The following PREPL variants were observed in gnomAD, a reference collection of about 807,000 sequenced individuals.
PREPL encodes prolyl endopeptidase-like.
In PREPL, 77 loss-of-function variants were observed where a neutral mutation model predicts 70.6. That is an observed-to-expected ratio of 1.09 (90% CI 0.91 to 1.32). The LOEUF is 1.32. Among genes scored for constraint, PREPL ranks in the 40% most tolerant of loss-of-function variants. The pLI is 0.00. For missense variants in PREPL, 1,002 were observed against 778.2 expected (o/e 1.29, Z -3.42); for synonymous variants, 315 against 264.8 (o/e 1.19, Z -1.84).
At chr2:44,321,780 G>T in intron 13 of PREPL, 47 bp downstream of exon 13, 1 of 1,613,632 alleles carries the variant, frequency 6.2e-7, no homozygotes, top group Non-Finnish European at 8.5e-7. Flanking sequence ...AAAACAACAT[G>T]TATCTAGTTC....
rs559438325 is a variant in PREPL, at chr2:44,342,375, G to T, written c.485+42C>A. On this transcript the variant is annotated intron_variant, in intron 5 of 13. Coordinates refer to ENST00000409411, the MANE Select transcript of PREPL (RefSeq NM_001171613.2). ...AAGTCAGTACTTTAAATAACTGGAGGAAGGTTCTGGAGAGAAAGATTTAAT... is the reference window on the plus strand; with the variant it reads ...AAGTCAGTACTTTAAATAACTGGAGTAAGGTTCTGGAGAGAAAGATTTAAT... The T allele has an allele frequency of 4.6e-6, 7 of 1,512,266 alleles. 1 individual carries two copies. The East Asian group carries it at 1.6e-4, about 35-fold the overall frequency. The allele number at this position is 1,512,266 out of a possible 1,614,324, so 93.7% of individuals were successfully genotyped here. A position where few individuals can be genotyped will look rare whatever the true frequency, so the allele number is the denominator to read the frequency against.
At chr2:44,339,546 C>G (rs887851654) in intron 5 of PREPL, among the ~76,000 whole-genome samples, 183 bp from the exon 6 acceptor site, 8 of 152,154 alleles carry the variant, frequency 5.3e-5, no homozygotes, top group African/African-American at 1.9e-4. Context: ...TTCTCATTTT[C>G]TCCTAAAGGG....
intron 3 of PREPL, 84 bp downstream of exon 3, chr2:44,344,431 TTTCTC>T (rs1675560767): frequency 5.0e-6 from 5 of 995,108 alleles, no homozygotes; most frequent in African/African-American, 1.7e-5. Context: ...AAAAAAATCT[TTTCTC>T]TATCTTTGAG....
chr2:44,343,646 G>T, intron 4 of PREPL, 99 bp downstream of exon 4: 1 of 1,025,910 alleles, frequency 9.7e-7, no homozygotes, highest in Non-Finnish European at 1.5e-6. Context: ...ACATGAATCA[G>T]GCATTCACCT....
chr2:44,339,078 G>T (rs1674941133), intron 6 of PREPL, 69 bp downstream of exon 6: 1 of 1,582,800 alleles, frequency 6.3e-7, no homozygotes, highest in Non-Finnish European at 8.6e-7. Context: ...CTTGGAGCAA[G>T]AAATGTTGTT....
chr2:44,351,389 A>G (rs2104114177), intron 1 of PREPL, among the ~76,000 whole-genome samples: 1 of 152,244 alleles, frequency 6.6e-6, no homozygotes, highest in South Asian at 2.1e-4. Flanking sequence ...CTGTAGCCTG[A>G]ACAATCCTGA....
At chr2:44,344,153 G>A (rs1465026629) in intron 3 of PREPL, among the ~76,000 whole-genome samples, 1 of 151,940 alleles carries the variant, frequency 6.6e-6, no homozygotes, top group Non-Finnish European at 1.5e-5. Flanking sequence ...ATACTATTCT[G>A]TGCATCAACC....
intron 9 of PREPL, among the ~76,000 whole-genome samples, chr2:44,328,140 G>C (rs1221708801): frequency 6.6e-6 from 1 of 151,816 alleles, no homozygotes; most frequent in Non-Finnish European, 1.5e-5. Flanking sequence ...TCAAAAATTA[G>C]TCAGGAGTTA....
In PREPL at chr2:44,318,597, T is replaced by TGTTTGCATAGGCACAGAATGTATC; in HGVS notation, c.*2758_*2759insGATACATTCTGTGCCTATGCAAAC. 1 of 151,208 alleles carries TGTTTGCATAGGCACAGAATGTATC rather than the reference T, an allele frequency of 6.6e-6. No homozygotes were observed. The highest frequency in any genetic ancestry group is 2.5e-5 in the African/African-American group (1 of 39,852). The allele number at this position is 151,208 out of a possible 1,614,324, so 9.4% of individuals were successfully genotyped here. On this transcript the variant is annotated 3_prime_UTR_variant, in exon 14 of 14. Coordinates refer to ENST00000409411, the MANE Select transcript of PREPL (RefSeq NM_001171613.2). ...CTGTGTAAAGAAAAATATATAAACA[T>TGTTTGCATAGGCACAGAATGTATC]ATGAAATGATACATTCTGTGCCTAT...
chr2:44,317,938 T>G lies in PREPL; in HGVS notation c.*3418A>C, dbSNP rs1002748925. On this transcript the variant is annotated 3_prime_UTR_variant, in exon 14 of 14. Coordinates refer to ENST00000409411, the MANE Select transcript of PREPL (RefSeq NM_001171613.2). ...AACACTAACATAAAACACAAAGAAT[T>G]AAAATGAAGATATAGCAAGCAAATA... 1 of 249,082 alleles carries G rather than the reference T, an allele frequency of 4.0e-6. No individual in the cohort carries two copies. Among genetic ancestry groups the G allele is most frequent in the African/African-American group, 2.4e-5 (1 of 42,150 alleles). 15.4% of individuals were successfully genotyped at this position (249,082 alleles called of 1,614,324 possible). A position where few individuals can be genotyped will look rare whatever the true frequency, so the allele number is the denominator to read the frequency against.
Position 44,350,982 on chromosome 2 carries a change from A to G in PREPL, c.-48-4592T>C, listed in dbSNP as rs534219250. On this transcript the variant is annotated intron_variant, in intron 1 of 13. Transcript: ENST00000409411. ...CTCCCTGGCTTTTTTTTTGTTTGAG[A>G]TGGGATTTCGGCTCCCTGCAACCTC... Among the ~76,000 whole-genome samples, 465 of 149,114 alleles carry G rather than the reference A, an allele frequency of 3.1e-3. 2 individuals carry two copies. Among genetic ancestry groups the G allele is most frequent in the African/African-American group, 0.011 (451 of 40,624 alleles).
In PREPL at chr2:44,321,364, T is replaced by G. The variant is rs1672922697; in HGVS notation, c.1909A>C (p.Lys637Gln). 1.0e-5 allele frequency: 16 copies of G among 1,605,296 alleles called. No homozygotes were observed. In the East Asian group the frequency reaches 2.7e-4, roughly 27 times the overall value. Residue 637 changes from lysine (K) to glutamine (Q), a missense_variant, in exon 14 of 14, where the codon AAA becomes CAA. Lys to Gln is a moderately conservative substitution (Grantham distance 53). Transcript: ENST00000409411. ...SVFEDLKKYL[K>Q]F is the part of the protein sequence containing the mutation. Reference sequence around the variant, plus strand: ...CAGTTGAATGCAGTGTTTCAGAATTTCAGGTATTTCTTAAGATCCTCGAAA... The same window carrying G: ...CAGTTGAATGCAGTGTTTCAGAATTGCAGGTATTTCTTAAGATCCTCGAAA...
In PREPL at chr2:44,319,748, G is replaced by C. The variant is rs778353300; in HGVS notation, c.*1608C>G. On this transcript the variant is annotated 3_prime_UTR_variant, in exon 14 of 14. Transcript: ENST00000409411. ...TGTCTGCTAAAGTTACACGATCTTC[G>C]CACAACAGCAACCTACACATTAGTC... The C allele has an allele frequency of 2.0e-4, 32 of 157,056 alleles. No individual in the cohort carries two copies. Among genetic ancestry groups the C allele is most frequent in the South Asian group, 7.7e-4 (4 of 5,216 alleles). The allele number at this position is 157,056 out of a possible 1,614,324, so 9.7% of individuals were successfully genotyped here.
At chr2:44,337,396 T>C (rs1020123283) in intron 7 of PREPL, among the ~76,000 whole-genome samples, 6 of 152,350 alleles carry the variant, frequency 3.9e-5, no homozygotes, top group Non-Finnish European at 8.8e-5. Flanking sequence ...AGTTTAATCT[T>C]GTGATTAACT....
intron 1 of PREPL, among the ~76,000 whole-genome samples, chr2:44,347,817 T>C (rs770125850): frequency 3.3e-5 from 5 of 152,204 alleles, no homozygotes; most frequent in East Asian, 1.9e-4. Flanking sequence ...TTTACCAACA[T>C]TGTAGAGAAT....
chr2:44,348,360 G>A (rs1350938172), intron 1 of PREPL, among the ~76,000 whole-genome samples: 1 of 152,164 alleles, frequency 6.6e-6, no homozygotes, highest in Non-Finnish European at 1.5e-5. Flanking sequence ...TAAGTCAGAA[G>A]ATGACTAAAA....
At chr2:44,343,978 T>TA in intron 3 of PREPL, 27 bp from the exon 4 acceptor site, 6 of 1,606,012 alleles carry the variant, frequency 3.7e-6, no homozygotes, top group Non-Finnish European at 5.1e-6. Context: ...ACGAAAGTGA[T>TA]AACTTCAAAG....
At chr2:44,339,802 G>A (rs1276206035) in intron 5 of PREPL, among the ~76,000 whole-genome samples, 1 of 152,008 alleles carries the variant, frequency 6.6e-6, no homozygotes. Flanking sequence ...CTTTCTATAG[G>A]AGACACAAAT....
Position 44,346,410 on chromosome 2 carries a change from G to T in PREPL, c.-48-20C>A. The T allele has an allele frequency of 6.2e-7, 1 of 1,606,102 alleles. No homozygotes were observed. Among genetic ancestry groups the T allele is most frequent in the Non-Finnish European group, 8.5e-7 (1 of 1,177,550 alleles). ...AAGATCCTGGAAAAAGTTTTGTTAT[G>T]ATCAAAATATTTCAAACTAGGGAAA... On this transcript the variant is annotated intron_variant, in intron 1 of 13. Transcript: ENST00000409411.
Sources: allele counts gnomAD v4.1 joint callset (sites outside exome capture counted in the v4.1 genomes callset), GRCh38; gene constraint gnomAD v4.1.1; transcripts MANE v1.5; gene names NCBI Gene and HGNC (gene_info 2026-07-23, HGNC 2026-07-21).